EXOC2: variants seen among roughly 807,000 people sequenced by gnomAD.
The protein encoded by EXOC2 is exocyst complex component 2.
In EXOC2, 70 loss-of-function variants were observed where a neutral mutation model predicts 131.8. The ratio of observed to expected loss-of-function variants is 0.53; its 90% CI spans 0.44 to 0.65. EXOC2 has a LOEUF of 0.65. EXOC2 is among the 30% of genes least tolerant of loss of function. The pLI is 0.00. For missense variants in EXOC2, 923 were observed against 1,108.6 expected (o/e 0.83, Z 2.38); for synonymous variants, 411 against 398.4 (o/e 1.03, Z -0.38).
intron 11 of EXOC2, among the ~76,000 whole-genome samples, chr6:590,413 A>G (rs1759475960): frequency 6.6e-6 from 1 of 152,208 alleles, no homozygotes; most frequent in African/African-American, 2.4e-5. Flanking sequence ...GAAAGTACTC[A>G]AATCCAAGCC....
intron 1 of EXOC2, among the ~76,000 whole-genome samples, chr6:661,087 C>T (rs1413701580): frequency 1.3e-5 from 2 of 152,024 alleles, no homozygotes; most frequent in African/African-American, 4.8e-5. Flanking sequence ...TTAACCAATC[C>T]AACAATGACA....
intron 1 of EXOC2, among the ~76,000 whole-genome samples, chr6:655,137 G>A (rs1416313812): frequency 6.6e-6 from 1 of 152,120 alleles, no homozygotes; most frequent in Non-Finnish European, 1.5e-5. Context: ...AAAGTCAATC[G>A]ATCCAGCAAG....
At chr6:552,028 C>T (rs922773180) in intron 21 of EXOC2, among the ~76,000 whole-genome samples, 5 of 152,212 alleles carry the variant, frequency 3.3e-5, no homozygotes, top group Admixed American at 6.5e-5. Flanking sequence ...AGTGCCTTGG[C>T]GGCTCTGACT....
chr6:637,763 A>C lies in EXOC2; in HGVS notation c.56T>G (p.Ile19Arg). 1 of 1,613,942 alleles carries C rather than the reference A, an allele frequency of 6.2e-7. No homozygotes were observed. The change falls in exon 2 of 28, where the codon ATA (isoleucine) becomes AGA (arginine). Residue 19 changes from isoleucine to arginine, a missense_variant. Physicochemically the swap from Ile to Arg is moderately conservative, Grantham distance 97 (BLOSUM62 -3). Transcript: ENST00000230449. ...LVTGISPNEG[I>R]PWTKVTIRGE... is the part of the protein sequence containing the mutation. ...CCTGATTGTGACCTTCGTCCATGGT[A>C]TCCCTTCATTTGGAGAGATGCCGGT...
At chr6:673,851 T>C (rs1397915001) in intron 1 of EXOC2, among the ~76,000 whole-genome samples, 1 of 152,144 alleles carries the variant, frequency 6.6e-6, no homozygotes, top group African/African-American at 2.4e-5. Flanking sequence ...AGTGAGCACA[T>C]GCTGTTGGAA....
intron 1 of EXOC2, among the ~76,000 whole-genome samples, chr6:692,631 G>A (rs1226424670): frequency 6.6e-6 from 1 of 152,284 alleles, no homozygotes; most frequent in Non-Finnish European, 1.5e-5. Context: ...CCCGCCTCGC[G>A]TTCACTTTTC....
chr6:511,301 G>A (rs1201181785), intron 23 of EXOC2, among the ~76,000 whole-genome samples: 3 of 152,152 alleles, frequency 2.0e-5, no homozygotes, highest in African/African-American at 7.2e-5. Flanking sequence ...TCAATATAGC[G>A]GGGGTCCATA....
intron 1 of EXOC2, among the ~76,000 whole-genome samples, chr6:676,262 A>G (rs75890215): frequency 1.1e-3 from 58 of 53,504 alleles, no homozygotes; most frequent in African/African-American, 3.0e-3. Flanking sequence ...ATACTCTTCA[A>G]CATTACGGAA....
intron 21 of EXOC2, among the ~76,000 whole-genome samples, chr6:551,722 C>T (rs1757153812): frequency 1.3e-5 from 2 of 152,196 alleles, no homozygotes; most frequent in African/African-American, 4.8e-5. Flanking sequence ...CACAGGACTC[C>T]CCTAGCCTGC....
chr6:629,743 A>G, intron 4 of EXOC2, 92 bp downstream of exon 4: 1 of 1,469,638 alleles, frequency 6.8e-7, no homozygotes, highest in Non-Finnish European at 9.2e-7. Context: ...GTTTCCTGGG[A>G]TGTTTCTGGA....
intron 25 of EXOC2, among the ~76,000 whole-genome samples, chr6:495,345 C>A (rs922204833): frequency 6.6e-6 from 1 of 151,570 alleles, no homozygotes; most frequent in East Asian, 1.9e-4. Flanking sequence ...AGGATGGTCT[C>A]GATCTCCTGA....
chr6:660,632 G>A (rs1763384294), intron 1 of EXOC2, among the ~76,000 whole-genome samples: 1 of 152,166 alleles, frequency 6.6e-6, no homozygotes, highest in South Asian at 2.1e-4. Context: ...CACTTTGTGG[G>A]ACAAAAGAAT....
intron 26 of EXOC2, 150 bp from the exon 27 acceptor site, chr6:489,188 A>C (rs1292743804): frequency 1.3e-6 from 1 of 752,268 alleles, no homozygotes. Flanking sequence ...CAATAGAAAA[A>C]GTAAAAGTAA....
intron 23 of EXOC2, among the ~76,000 whole-genome samples, chr6:528,017 TTAA>T (rs1466845783): frequency 2.6e-5 from 4 of 152,330 alleles, no homozygotes; most frequent in South Asian, 2.1e-4. Flanking sequence ...CTAAGAACTC[TTAA>T]TAATTGCAGA....
chr6:527,880 C>A (rs1429859584), intron 23 of EXOC2, among the ~76,000 whole-genome samples: 1 of 139,726 alleles, frequency 7.2e-6, no homozygotes, highest in Non-Finnish European at 1.5e-5. Context: ...AAAAATAAAA[C>A]CAGTATTTAA....
chr6:671,538 T>A (rs1763871032), intron 1 of EXOC2, among the ~76,000 whole-genome samples: 1 of 152,158 alleles, frequency 6.6e-6, no homozygotes, highest in Non-Finnish European at 1.5e-5. Flanking sequence ...CATCCTTGAA[T>A]TTTTCAGATC....
Position 567,624 on chromosome 6 carries a change from ATACAT to A in EXOC2, c.1444-2700_1444-2696del, listed in dbSNP as rs372299542. ...ATGCATGCATTTATATGCATGTGTT[ATACAT>A]TAATGTTTCATACATGTCTACATAC... On this transcript the variant is annotated intron_variant, in intron 13 of 27. Transcript: ENST00000230449. 1.1e-3 allele frequency among the ~76,000 whole-genome samples: 164 copies of A among 152,282 alleles called. 1 individual carries two copies. The highest frequency in any genetic ancestry group is 3.7e-3 in the African/African-American group (152 of 41,536).
intron 6 of EXOC2, among the ~76,000 whole-genome samples, chr6:615,181 GGGT>G (rs1561927674): frequency 2.8e-5 from 3 of 107,392 alleles, no homozygotes; most frequent in African/African-American, 1.7e-4. Context: ...ATGTGGGTGT[GGGT>G]GTGTGTGTGT....
chr6:582,024 T>C (rs1436698026), intron 11 of EXOC2, among the ~76,000 whole-genome samples: 1 of 152,198 alleles, frequency 6.6e-6, no homozygotes, highest in Non-Finnish European at 1.5e-5. Flanking sequence ...TTCAGAAAAC[T>C]AATGAAACAA....
Sources: allele counts gnomAD v4.1 joint callset (sites outside exome capture counted in the v4.1 genomes callset), GRCh38; gene constraint gnomAD v4.1.1; transcripts MANE v1.5; gene names NCBI Gene and HGNC (gene_info 2026-07-23, HGNC 2026-07-21).